The following XPR1 variants were observed in gnomAD, a reference collection of about 807,000 sequenced individuals.
The protein encoded by XPR1 is solute carrier family 53 member 1.
XPR1 carries 28 observed loss-of-function variants against 87.5 expected under a neutral mutation model. The observed-to-expected ratio is 0.32, with a 90% CI of 0.24 to 0.44. The LOEUF (loss-of-function observed/expected upper bound fraction) is 0.44, where lower values mean the gene tolerates loss of function less well. Among genes scored for constraint, XPR1 ranks in the 20% least tolerant of loss-of-function variants. XPR1 has a pLI of 1.00. For missense variants in XPR1, 559 were observed against 862.3 expected (o/e 0.65, Z 4.41); for synonymous variants, 300 against 306.1 (o/e 0.98, Z 0.21).
At chr1:180,735,719 A>G (rs994228747) in intron 2 of XPR1, among the ~76,000 whole-genome samples, 1 of 152,232 alleles carries the variant, frequency 6.6e-6, no homozygotes, top group Admixed American at 6.5e-5. Context: ...TTAAGAATAA[A>G]TTATGTTCAC....
At chr1:180,813,920 T>G (rs1368882032) in intron 7 of XPR1, among the ~76,000 whole-genome samples, 1 of 152,224 alleles carries the variant, frequency 6.6e-6, no homozygotes, top group Non-Finnish European at 1.5e-5. Flanking sequence ...TGTCATTATT[T>G]GAATATCCAT....
At chr1:180,726,406 C>T (rs1490130101) in intron 2 of XPR1, among the ~76,000 whole-genome samples, 2 of 152,224 alleles carry the variant, frequency 1.3e-5, no homozygotes, top group Non-Finnish European at 2.9e-5. Flanking sequence ...TCCCTACCAC[C>T]TTTAAGAGCT....
At chr1:180,703,048 A>T (rs1391386738) in intron 2 of XPR1, among the ~76,000 whole-genome samples, 1 of 152,042 alleles carries the variant, frequency 6.6e-6, no homozygotes, top group Non-Finnish European at 1.5e-5. Flanking sequence ...ATGTAGCTTT[A>T]ATTAGTGTCA....
chr1:180,728,492 G>A lies in XPR1; in HGVS notation c.121+46081G>A, dbSNP rs140882252. Reference sequence around the variant, plus strand: ...AGTACTTTTCAGACTTAATTGGACAGATGTATCATCTTGGATCTTGTTAAA... The same window carrying A: ...AGTACTTTTCAGACTTAATTGGACAAATGTATCATCTTGGATCTTGTTAAA... On this transcript the variant is annotated intron_variant, in intron 2 of 14. Transcript: ENST00000367590. Among the ~76,000 whole-genome samples, 268 of 152,274 alleles carry A rather than the reference G, an allele frequency of 1.8e-3. 1 individual carries two copies. The highest frequency in any genetic ancestry group is 1.7e-3 in the Non-Finnish European group (115 of 68,018).
In XPR1 at chr1:180,810,799, G is replaced by A. The variant is rs1308595912; in HGVS notation, c.682-608G>A. On this transcript the variant is annotated intron_variant, in intron 6 of 14. Coordinates refer to ENST00000367590, the MANE Select transcript of XPR1 (RefSeq NM_004736.4). The stretch of plus-strand genomic sequence containing the variant: ...TATGTATATATATATGTGTATATAT[G>A]TATATATGTGTATATATATGTATAT... 6.7e-5 allele frequency among the ~76,000 whole-genome samples: 10 copies of A among 150,010 alleles called. No individual in the cohort carries two copies. In the South Asian group the frequency reaches 1.5e-3, roughly 22 times the overall value.
At chr1:180,777,392 T>C (rs1342380942) in intron 2 of XPR1, among the ~76,000 whole-genome samples, 2 of 152,244 alleles carry the variant, frequency 1.3e-5, no homozygotes, top group African/African-American at 4.8e-5. Flanking sequence ...TCCTTTATTC[T>C]ACCCTTTGTA....
chr1:180,742,420 T>A (rs1658952549), intron 2 of XPR1, among the ~76,000 whole-genome samples: 1 of 152,172 alleles, frequency 6.6e-6, no homozygotes. Flanking sequence ...TTAATTTCCA[T>A]GTGTTTGGAG....
chr1:180,662,216 C>G (rs184792899), intron 1 of XPR1, among the ~76,000 whole-genome samples: 7 of 150,810 alleles, frequency 4.6e-5, no homozygotes, highest in Non-Finnish European at 8.9e-5. Context: ...CTTTTTTTTT[C>G]TGGTTGAAGA....
rs556560132 is a variant in XPR1 at position 180,684,641 on chromosome 1, T to G, written c.121+2230T>G. On this transcript the variant is annotated intron_variant, in intron 2 of 14. Transcript: ENST00000367590. ...ATGAGCATGGAATGTTCTTCCATTT[T>G]TTTGTATCCTCTTTTATTTGATTGA... Among the ~76,000 whole-genome samples, 480 of 151,976 alleles carry G rather than the reference T, an allele frequency of 3.2e-3. 8 individuals carry two copies. Among genetic ancestry groups the G allele is most frequent in the East Asian group, 0.03 (153 of 5,086 alleles).
At chr1:180,759,350 A>G (rs866475596) in intron 2 of XPR1, among the ~76,000 whole-genome samples, 3 of 152,232 alleles carry the variant, frequency 2.0e-5, no homozygotes, top group Non-Finnish European at 2.9e-5. Flanking sequence ...AAGATCAACA[A>G]AATCGATAGA....
At chr1:180,695,260 T>G (rs1050611242) in intron 2 of XPR1, among the ~76,000 whole-genome samples, 1 of 152,170 alleles carries the variant, frequency 6.6e-6, no homozygotes, top group Non-Finnish European at 1.5e-5. Flanking sequence ...CATTATTGAG[T>G]TGTTTGAGTT....
intron 1 of XPR1, among the ~76,000 whole-genome samples, chr1:180,679,160 A>G (rs967510887): frequency 3.9e-5 from 6 of 152,016 alleles, no homozygotes; most frequent in African/African-American, 1.4e-4. Flanking sequence ...GCGCCACTGC[A>G]CTCCAGCCTG....
intron 1 of XPR1, among the ~76,000 whole-genome samples, chr1:180,652,119 C>G (rs1005094884): frequency 2.0e-4 from 31 of 152,134 alleles, no homozygotes; most frequent in African/African-American, 7.5e-4. Context: ...TGGTGAAACC[C>G]TGTCTCTACT....
At chr1:180,715,969 G>T (rs758222058) in intron 2 of XPR1, among the ~76,000 whole-genome samples, 1 of 152,102 alleles carries the variant, frequency 6.6e-6, no homozygotes, top group African/African-American at 2.4e-5. Flanking sequence ...CACCGTACCC[G>T]GCTGAGAAGT....
intron 2 of XPR1, among the ~76,000 whole-genome samples, chr1:180,768,585 C>G (rs1166575644): frequency 1.3e-5 from 2 of 152,214 alleles, no homozygotes; most frequent in Non-Finnish European, 1.5e-5. Flanking sequence ...GAATGCCACC[C>G]TTTACCAAAG....
chr1:180,665,136 G>A (rs575219396), intron 1 of XPR1, among the ~76,000 whole-genome samples: 1 of 152,320 alleles, frequency 6.6e-6, no homozygotes, highest in Admixed American at 6.5e-5. Context: ...AATTGTGGTG[G>A]AAGACAAAGG....
At chr1:180,659,759 C>T (rs986674394) in intron 1 of XPR1, among the ~76,000 whole-genome samples, 17 of 152,024 alleles carry the variant, frequency 1.1e-4, no homozygotes, top group Non-Finnish European at 1.5e-4. Flanking sequence ...CCTCGTGATC[C>T]ACCTGCCTCA....
intron 2 of XPR1, among the ~76,000 whole-genome samples, chr1:180,699,190 T>C (rs2101968051): frequency 6.7e-6 from 1 of 150,136 alleles, no homozygotes; most frequent in Admixed American, 6.7e-5. Flanking sequence ...TAGGCTTTCT[T>C]TAGTTTCTTT....
At chr1:180,745,213 A>G (rs868314956) in intron 2 of XPR1, among the ~76,000 whole-genome samples, 8 of 152,250 alleles carry the variant, frequency 5.3e-5, no homozygotes, top group Middle Eastern at 3.4e-3. Context: ...AGTTCTCTGA[A>G]GTGTCCCTTT....
Sources: allele counts gnomAD v4.1 joint callset (sites outside exome capture counted in the v4.1 genomes callset), GRCh38; gene constraint gnomAD v4.1.1; transcripts MANE v1.5; gene names NCBI Gene and HGNC (gene_info 2026-07-23, HGNC 2026-07-21).